The following AKR1A1 variants were observed in gnomAD, a reference collection of about 807,000 sequenced individuals.
AKR1A1 encodes aldo-keto reductase family 1 member A1, also known as HEL-S-165mP.
Under a neutral mutation model 39.2 loss-of-function variants are expected in AKR1A1, and 26 were observed. That is an observed-to-expected ratio of 0.66 (90% CI 0.49 to 0.92). The LOEUF (loss-of-function observed/expected upper bound fraction) is 0.92. Among genes scored for constraint, AKR1A1 ranks in the 40% least tolerant of loss-of-function variants. The pLI is 0.00. For synonymous variants in AKR1A1, 141 were observed against 155.5 expected, an observed-to-expected ratio of 0.91 and a Z score of 0.69; for missense variants, 378 against 406.5, an observed-to-expected ratio of 0.93 and a Z score of 0.60.
Position 45,566,987 on chromosome 1 carries a change from A to T in AKR1A1, c.323A>T (p.Asp108Val). Residue 108 changes from aspartate (D) to valine (V), a missense_variant, in exon 4 of 9, where the codon GAC becomes GTC. By Grantham distance (152) the Asp-to-Val change is radical. Coordinates refer to ENST00000351829, the MANE Select transcript of AKR1A1 (RefSeq NM_153326.3). ...TLADLQLEYL[D>V]LYLMHWPYAF... ...GCTGACCTCCAGCTGGAGTATCTGG[A>T]CCTGTACCTGATGCACTGGCCTTAT... The T allele has an allele frequency of 6.2e-7, 1 of 1,614,188 alleles. No individual in the cohort carries two copies. The highest frequency in any genetic ancestry group is 8.5e-7 in the Non-Finnish European group (1 of 1,180,030).
intron 2 of AKR1A1, among the ~76,000 whole-genome samples, chr1:45,562,862 G>A (rs1644295872): frequency 1.3e-5 from 2 of 151,720 alleles, no homozygotes. Flanking sequence ...GCTCATACCT[G>A]TAATCCCAGC....
chr1:45,558,190 A>T (rs1337150232), intron 1 of AKR1A1, among the ~76,000 whole-genome samples: 1 of 151,530 alleles, frequency 6.6e-6, no homozygotes, highest in African/African-American at 2.4e-5. Context: ...TGCTGGGGTT[A>T]CAGACGTTAG....
At chr1:45,564,951 T>C (rs1441471046) in intron 2 of AKR1A1, among the ~76,000 whole-genome samples, 4 of 151,270 alleles carry the variant, frequency 2.6e-5, no homozygotes, top group African/African-American at 9.7e-5. Flanking sequence ...GCCTCCTGAG[T>C]AGCTGGGACT....
At position 45,562,182 on chromosome 1, in the gene AKR1A1, T is replaced by C. The variant is rs542381998; in HGVS notation, c.84+304T>C. On this transcript the variant is annotated intron_variant, in intron 2 of 8. Coordinates refer to ENST00000351829, the MANE Select transcript of AKR1A1 (RefSeq NM_153326.3). ...CCCTAATATGGCAGTTATCACCCTG[T>C]GCTGTGATCATGTCTCCTCTCCCAC... Among the ~76,000 whole-genome samples, 197 of 152,236 alleles carry C rather than the reference T, an allele frequency of 1.3e-3. 1 individual carries two copies. The highest frequency in any genetic ancestry group is 4.6e-3 in the African/African-American group (191 of 41,552).
chr1:45,569,165 C>A lies in AKR1A1; in HGVS notation c.848C>A (p.Pro283Gln), dbSNP rs772678658. The change falls in exon 8 of 9, where the codon CCA becomes CAA. Residue 283 changes from proline to glutamine, a missense_variant. By Grantham distance (76) the Pro-to-Gln change is moderately conservative. Transcript: ENST00000351829. ...CAGGTGTTTGACTTCACCTTTAGCC[C>A]AGAAGAGATGAAGCAGCTAAATGCC... The part of the protein sequence containing the change: ...NIKVFDFTFS[P>Q]EEMKQLNALN... 8.9e-5 allele frequency: 143 copies of A among 1,613,992 alleles called. No homozygotes were observed. Among genetic ancestry groups the A allele is most frequent in the Non-Finnish European group, 1.1e-4 (128 of 1,179,988 alleles).
rs576828279 is a variant in AKR1A1 at position 45,568,157 on chromosome 1, G to T, written c.532G>T (p.Val178Leu). 6.2e-7 allele frequency: 1 copy of T among 1,613,192 alleles called. No individual in the cohort carries two copies. Among genetic ancestry groups the T allele is most frequent in the Non-Finnish European group, 8.5e-7 (1 of 1,179,706 alleles). Residue 178 changes from valine (V) to leucine (L), a missense_variant, in exon 5 of 9, where the codon GTG (valine) becomes TTG (leucine). Val to Leu is a conservative substitution (Grantham distance 32). Coordinates refer to ENST00000351829, the MANE Select transcript of AKR1A1 (RefSeq NM_153326.3). ...TGATGACATACTCAGTGTGGCCTCC[G>T]TGCGTCCAGCTGTCTTGCAGGTAAG... ...QIDDILSVAS[V>L]RPAVLQVECH...
rs746209653 is a variant in AKR1A1, at chr1:45,569,245, C to A, written c.912+16C>A. 3 of 1,605,600 alleles carry A rather than the reference C, an allele frequency of 1.9e-6. No individual in the cohort carries two copies. Among genetic ancestry groups the A allele is most frequent in the Middle Eastern group, 1.7e-4 (1 of 6,046 alleles). On this transcript the variant is annotated intron_variant, in intron 8 of 8. Transcript: ENST00000351829. ...TATGCTTACGGTGAGGATGTATCAG[C>A]CTCCTAGACTTGGGGAATGTGAGAT...
intron 1 of AKR1A1, among the ~76,000 whole-genome samples, chr1:45,560,327 A>G (rs976809083): frequency 1.3e-5 from 2 of 152,180 alleles, no homozygotes; most frequent in African/African-American, 2.4e-5. Flanking sequence ...CTAAAAAATT[A>G]AAGATCTGGA....
At chr1:45,562,429 C>T (rs941891978) in intron 2 of AKR1A1, among the ~76,000 whole-genome samples, 10 of 151,150 alleles carry the variant, frequency 6.6e-5, no homozygotes, top group African/African-American at 2.4e-4. Context: ...GCAGCCTTGA[C>T]CTCCTGGGCT....
intron 1 of AKR1A1, among the ~76,000 whole-genome samples, chr1:45,553,769 G>A (rs1372702640): frequency 2.0e-5 from 3 of 151,824 alleles, no homozygotes; most frequent in East Asian, 1.9e-4. Flanking sequence ...TGAGGTGGGC[G>A]GATCACGAGG....
In AKR1A1 at chr1:45,568,144, C is replaced by T; in HGVS notation, c.519C>T (p.Leu173=). 1 of 1,613,920 alleles carries T rather than the reference C, an allele frequency of 6.2e-7. No individual in the cohort carries two copies. Among genetic ancestry groups the T allele is most frequent in the African/African-American group, 1.3e-5 (1 of 75,032 alleles). ...ACAGTCGGCAGATTGATGACATACT[C>T]AGTGTGGCCTCCGTGCGTCCAGCTG... ...NFNSRQIDDI[L]SVASVRPAVL... Residue 173 remains leucine, a synonymous_variant, in exon 5 of 9, where the codon CTC becomes CTT. Coordinates refer to ENST00000351829, the MANE Select transcript of AKR1A1 (RefSeq NM_153326.3).
intron 1 of AKR1A1, among the ~76,000 whole-genome samples, chr1:45,557,984 A>G (rs1644228328): frequency 7.3e-6 from 1 of 136,066 alleles, no homozygotes; most frequent in Admixed American, 8.7e-5. Context: ...ATCTCAGCTC[A>G]CTGCAACCTC....
At chr1:45,551,633 C>T (rs1329223351) in intron 1 of AKR1A1, among the ~76,000 whole-genome samples, 1 of 152,168 alleles carries the variant, frequency 6.6e-6, no homozygotes, top group African/African-American at 2.4e-5. Flanking sequence ...TAAAGTAAGA[C>T]ACAGATCTGA....
At chr1:45,557,468 CTTT>C (rs1190672256) in intron 1 of AKR1A1, among the ~76,000 whole-genome samples, 2 of 152,176 alleles carry the variant, frequency 1.3e-5, no homozygotes, top group Non-Finnish European at 2.9e-5. Flanking sequence ...AAGCCTCAGC[CTTT>C]TCGGTGTTCA....
At chr1:45,552,496 T>G (rs990077007) in intron 1 of AKR1A1, 5 of 152,166 alleles carry the variant, frequency 3.3e-5, no homozygotes, top group Non-Finnish European at 7.3e-5. Flanking sequence ...TATGAGCCAC[T>G]GCACCTGGAA....
chr1:45,561,457 G>A (rs1312859652), intron 1 of AKR1A1, among the ~76,000 whole-genome samples: 3 of 151,958 alleles, frequency 2.0e-5, no homozygotes, highest in African/African-American at 7.3e-5. Flanking sequence ...AGGCTGGAGT[G>A]CAGTGGCGCA....
At chr1:45,565,588 C>G (rs1360704950) in intron 2 of AKR1A1, among the ~76,000 whole-genome samples, 1 of 152,052 alleles carries the variant, frequency 6.6e-6, no homozygotes, top group Non-Finnish European at 1.5e-5. Flanking sequence ...ATTCTCCTAT[C>G]TCAGCCTCCT....
intron 2 of AKR1A1, 51 bp from the exon 3 acceptor site, chr1:45,566,518 T>C (rs770200641): frequency 1.9e-6 from 3 of 1,608,954 alleles, no homozygotes; most frequent in East Asian, 2.2e-5. Flanking sequence ...GTGGTGACAG[T>C]AGAAGGCTGA....
At chr1:45,560,348 C>T (rs1057004134) in intron 1 of AKR1A1, among the ~76,000 whole-genome samples, 11 of 152,266 alleles carry the variant, frequency 7.2e-5, no homozygotes, top group South Asian at 6.2e-4. Flanking sequence ...TATGGTGGCT[C>T]ATACCTGTAA....
Sources: gnomAD v4.1 joint callset for allele counts (sites outside exome capture counted in the v4.1 genomes callset) on GRCh38, gnomAD v4.1.1 for gene constraint, MANE v1.5 for transcripts, NCBI Gene and HGNC (gene_info 2026-07-23, HGNC 2026-07-21) for gene names.